Variants in PRDM11 observed in about 807,000 individuals in gnomAD.
PRDM11 encodes PR domain-containing protein 11.
In PRDM11, 20 loss-of-function variants were observed where a neutral mutation model predicts 97.8. The observed-to-expected ratio is 0.20, with a 90% CI of 0.14 to 0.30. The LOEUF (loss-of-function observed/expected upper bound fraction) is 0.30. Among genes scored for constraint, PRDM11 ranks in the 10% least tolerant of loss-of-function variants. The pLI is 1.00. For synonymous variants in PRDM11, 599 were observed against 637.7 expected (o/e 0.94, Z 0.91); for missense variants, 1,139 against 1,555.2 (o/e 0.73, Z 4.50).
Position 45,229,563 on chromosome 11 carries a change from A to G in PRDM11, c.*1404A>G, listed in dbSNP as rs1854358122. On this transcript the variant is annotated 3_prime_UTR_variant, in exon 8 of 8. Coordinates refer to ENST00000683152, the MANE Select transcript of PRDM11 (RefSeq NM_001384648.1). Reference sequence around the variant, plus strand: ...AAGCTTTAGAAATAGCCACTTGCCTATTCCCTGGGGCAAGTAGTGGTTTAA... The same window carrying G: ...AAGCTTTAGAAATAGCCACTTGCCTGTTCCCTGGGGCAAGTAGTGGTTTAA... The G allele has an allele frequency of 6.6e-6, 1 of 152,302 alleles. No homozygotes were observed. Among genetic ancestry groups the G allele is most frequent in the Middle Eastern group, 3.4e-3 (1 of 294 alleles). The allele number at this position is 152,302 out of a possible 1,614,324, so 9.4% of individuals were successfully genotyped here.
chr11:45,190,548 A>C (rs180860675), intron 4 of PRDM11, among the ~76,000 whole-genome samples: 28 of 151,856 alleles, frequency 1.8e-4, no homozygotes, highest in Admixed American at 1.3e-3. Context: ...CCTAAGAGCA[A>C]GGTGTTCTTC....
intron 4 of PRDM11, among the ~76,000 whole-genome samples, chr11:45,201,295 A>G (rs12573853): frequency 0.11 from 16,298 of 152,274 alleles, 1,206 homozygotes; most frequent in Admixed American, 0.25. Context: ...TAGTTTTTCA[A>G]TAATGGCTGT....
At chr11:45,136,944 A>T (rs1162303670) in intron 1 of PRDM11, among the ~76,000 whole-genome samples, 3 of 150,216 alleles carry the variant, frequency 2.0e-5, no homozygotes, top group Admixed American at 6.7e-5. Context: ...GGAGTTCGAG[A>T]CCAGCCTGGC....
At chr11:45,223,272 C>T (rs908839577) in intron 6 of PRDM11, among the ~76,000 whole-genome samples, 2 of 152,156 alleles carry the variant, frequency 1.3e-5, no homozygotes, top group African/African-American at 4.8e-5. Context: ...CACTGCACTT[C>T]AGCCTGGACA....
chr11:45,138,249 G>A (rs977792734), intron 1 of PRDM11, among the ~76,000 whole-genome samples: 5 of 152,188 alleles, frequency 3.3e-5, no homozygotes, highest in Admixed American at 6.5e-5. Flanking sequence ...TCTTAGAGAA[G>A]AGAAAACATT....
At chr11:45,116,200 C>T (rs957170891) in intron 1 of PRDM11, among the ~76,000 whole-genome samples, 1 of 152,124 alleles carries the variant, frequency 6.6e-6, no homozygotes, top group African/African-American at 2.4e-5. Context: ...TGTTTGGAGA[C>T]ACTACAACCC....
rs201814209 is a variant in PRDM11 at position 45,229,801 on chromosome 11, T to C, written c.*1642T>C. 1.3e-5 allele frequency: 2 copies of C among 152,246 alleles called. No individual in the cohort carries two copies. Among genetic ancestry groups the C allele is most frequent in the East Asian group, 3.8e-4 (2 of 5,198 alleles). The allele number at this position is 152,246 out of a possible 1,614,324, so 9.4% of individuals were successfully genotyped here. ...TGAATTATATACATGTGGTCAGTTC[T>C]GCTGAGAGCTTCATCTCTTGGTTGG... On this transcript the variant is annotated 3_prime_UTR_variant, in exon 8 of 8. Transcript: ENST00000683152.
intron 1 of PRDM11, among the ~76,000 whole-genome samples, chr11:45,104,166 C>T (rs952050037): frequency 2.6e-5 from 4 of 152,232 alleles, no homozygotes; most frequent in African/African-American, 9.6e-5. Context: ...GGCCACTGCA[C>T]CTGGCAAAGC....
At chr11:45,196,944 C>T (rs1853143162) in intron 4 of PRDM11, among the ~76,000 whole-genome samples, 1 of 152,222 alleles carries the variant, frequency 6.6e-6, no homozygotes, top group African/African-American at 2.4e-5. Flanking sequence ...TAATGGAACA[C>T]ACCCCTATGA....
At chr11:45,103,391 G>A (rs775965694) in intron 1 of PRDM11, among the ~76,000 whole-genome samples, 4 of 152,210 alleles carry the variant, frequency 2.6e-5, no homozygotes, top group Non-Finnish European at 5.9e-5. Context: ...GATGAGGAAA[G>A]AGGAAGAGGA....
intron 4 of PRDM11, among the ~76,000 whole-genome samples, chr11:45,201,145 A>G (rs1407969769): frequency 6.6e-6 from 1 of 152,240 alleles, no homozygotes; most frequent in Admixed American, 6.5e-5. Context: ...TCTACTCTGC[A>G]GCTACAGTAG....
intron 1 of PRDM11, among the ~76,000 whole-genome samples, chr11:45,106,997 A>C (rs529214232): frequency 5.9e-5 from 9 of 152,346 alleles, no homozygotes; most frequent in South Asian, 2.1e-4. Context: ...GAAATGAAGC[A>C]GATCTGCTAA....
chr11:45,180,234 G>T (rs75809477), intron 1 of PRDM11, among the ~76,000 whole-genome samples: 23,424 of 152,214 alleles, frequency 0.15, 2,156 homozygotes, highest in African/African-American at 0.25. Context: ...CTTTGAGGTC[G>T]GTCGAGCACC....
intron 4 of PRDM11, among the ~76,000 whole-genome samples, chr11:45,193,405 A>G (rs1393193274): frequency 6.6e-6 from 1 of 152,134 alleles, no homozygotes; most frequent in Non-Finnish European, 1.5e-5. Context: ...CTACCTAAAA[A>G]CCCAGTGGCA....
chr11:45,095,759 G>T (rs772362883), upstream of PRDM11: 3 of 703,550 alleles, frequency 4.3e-6, no homozygotes, highest in Admixed American at 2.2e-5. Context: ...CCGCAGATAC[G>T]ATGGCTACAG....
upstream of PRDM11, among the ~76,000 whole-genome samples, chr11:45,095,602 C>T (rs184721452): frequency 2.3e-3 from 355 of 152,352 alleles, 2 homozygotes; most frequent in African/African-American, 7.8e-3. Flanking sequence ...GGCCACATTT[C>T]CCAGACTCCT....
chr11:45,137,574 G>T (rs1228164798), intron 1 of PRDM11, among the ~76,000 whole-genome samples: 1 of 152,124 alleles, frequency 6.6e-6, no homozygotes, highest in East Asian at 1.9e-4. Flanking sequence ...AACATGGCGA[G>T]ACCTCCTCTC....
intron 4 of PRDM11, among the ~76,000 whole-genome samples, chr11:45,194,668 G>A (rs1378574231): frequency 2.1e-3 from 281 of 134,080 alleles, no homozygotes; most frequent in Middle Eastern, 4.2e-3. Context: ...GCGGGATCTC[G>A]GCTCACTGCA....
At chr11:45,208,785 C>T in intron 5 of PRDM11, 1 of 364,230 alleles carries the variant, frequency 2.7e-6, no homozygotes, top group Non-Finnish European at 5.5e-6. Flanking sequence ...CCTCCTGGCT[C>T]CCCAGCTGGG....
Sources: gnomAD v4.1 joint callset for allele counts (sites outside exome capture counted in the v4.1 genomes callset) on GRCh38, gnomAD v4.1.1 for gene constraint, MANE v1.5 for transcripts, NCBI Gene and HGNC (gene_info 2026-07-23, HGNC 2026-07-21) for gene names.